The following CASKIN1 variants were observed in gnomAD, a reference collection of about 807,000 sequenced individuals.
CASKIN1 encodes caskin-1.
CASKIN1 carries 42 observed loss-of-function variants against 117.5 expected under a neutral mutation model. The observed-to-expected ratio is 0.36, with a 90% CI of 0.28 to 0.46. The LOEUF is 0.46. CASKIN1 is among the 20% of genes least tolerant of loss of function. The pLI is 1.00. For missense variants in CASKIN1, 2,083 were observed against 2,077.3 expected, an observed-to-expected ratio of 1.00 and a Z score of -0.05; for synonymous variants, 1,148 against 961.7, an observed-to-expected ratio of 1.19 and a Z score of -3.59.
chr16:2,179,551 G>A lies in CASKIN1; in HGVS notation c.3775+42C>T, dbSNP rs2141309515. 1.4e-6 allele frequency: 2 copies of A among 1,416,132 alleles called. No individual in the cohort carries two copies. Among genetic ancestry groups the A allele is most frequent in the East Asian group, 2.6e-5 (1 of 38,048 alleles). The allele number at this position is 1,416,132 out of a possible 1,614,324, so 87.7% of individuals were successfully genotyped here. A position where few individuals can be genotyped will look rare whatever the true frequency, so the allele number is the denominator to read the frequency against. ...TCAGACCACCGAGTAAGGAGGTGGA[G>A]CAGGGTCCTGTTGCCCCTTCACCCC... On this transcript the variant is annotated intron_variant, in intron 18 of 19. Coordinates refer to ENST00000343516, the MANE Select transcript of CASKIN1 (RefSeq NM_020764.4). This position sits in a 1 kb window ranked among gnomAD's most constrained non-coding sequence, Gnocchi z 5.8.
At chr16:2,183,968 G>A (rs1596688670) in intron 14 of CASKIN1, 27 bp from the exon 15 acceptor site, 4 of 1,505,482 alleles carry the variant, frequency 2.7e-6, no homozygotes, top group African/African-American at 2.8e-5. Context: ...ACCCACTGCA[G>A]GCTCGCCTGC....
At chr16:2,186,116 C>T (rs533439029) in intron 10 of CASKIN1, among the ~76,000 whole-genome samples, 5 of 152,240 alleles carry the variant, frequency 3.3e-5, no homozygotes, top group African/African-American at 1.2e-4. Context: ...GGGCCATAGG[C>T]GCACAACACC....
rs767463709 is a variant in CASKIN1, at chr16:2,185,214, G to C, written c.1151-15C>G. On this transcript the variant is annotated splice_polypyrimidine_tract_variant and intron_variant, in intron 11 of 19. Transcript: ENST00000343516. Reference sequence around the variant, plus strand: ...TCGGTCCCCACCTGCCAGCACAAGGGAGCAAGATGAGGCCAGTGCCGGCCC... The same window carrying C: ...TCGGTCCCCACCTGCCAGCACAAGGCAGCAAGATGAGGCCAGTGCCGGCCC... 6.2e-6 allele frequency: 10 copies of C among 1,611,210 alleles called. No homozygotes were observed. Among genetic ancestry groups the C allele is most frequent in the Non-Finnish European group, 8.5e-6 (10 of 1,179,128 alleles).
At chr16:2,187,124 C>A (rs2093187314) in intron 8 of CASKIN1, 42 bp downstream of exon 8, 5 of 1,611,980 alleles carry the variant, frequency 3.1e-6, no homozygotes, top group African/African-American at 2.7e-5. Context: ...TCTGGCCCAG[C>A]CCCAGCCCCA....
At position 2,196,124 on chromosome 16, in the gene CASKIN1, G is replaced by A. The variant is rs1323717333; in HGVS notation, c.94+215C>T. Among the ~76,000 whole-genome samples, 1 of 151,976 alleles carries A rather than the reference G, an allele frequency of 6.6e-6. No individual in the cohort carries two copies. The highest frequency in any genetic ancestry group is 2.4e-5 in the African/African-American group (1 of 41,406). ...CGGGTGCCGCCAGGTGCCCGCTGCG[G>A]GGCTCACGGTGGCGGCCGGCTCTCG... On this transcript the variant is annotated intron_variant, in intron 1 of 19. Coordinates refer to ENST00000343516, the MANE Select transcript of CASKIN1 (RefSeq NM_020764.4). This position sits in a 1 kb window ranked among gnomAD's most constrained non-coding sequence, Gnocchi z 5.7.
At chr16:2,178,708 C>T (rs2093153944) in intron 19 of CASKIN1, 62 bp from the exon 20 acceptor site, 2 of 1,449,214 alleles carry the variant, frequency 1.4e-6, no homozygotes, top group African/African-American at 1.5e-5. Flanking sequence ...CCCACCCCGA[C>T]CAGGACACGC....
Position 2,183,820 on chromosome 16 carries a change from G to T in CASKIN1, c.1527+11C>A. On this transcript the variant is annotated intron_variant, in intron 15 of 19. Coordinates refer to ENST00000343516, the MANE Select transcript of CASKIN1 (RefSeq NM_020764.4). ...GACGCAGCTGGCGCTGGCGGCGCAT[G>T]GAAAGCTCACCTCGGGAGTCATGCG... 1 of 1,612,232 alleles carries T rather than the reference G, an allele frequency of 6.2e-7. No homozygotes were observed.
At chr16:2,189,179 G>A (rs765665488) in intron 5 of CASKIN1, 22 bp from the exon 6 acceptor site, 5 of 1,612,420 alleles carry the variant, frequency 3.1e-6, no homozygotes, top group South Asian at 1.1e-5. Flanking sequence ...GGTCAGGGTA[G>A]GGGGGTCCTG....
In CASKIN1 at chr16:2,178,144, G is replaced by A. The variant is rs1301811193; in HGVS notation, c.*406C>T. 5 of 495,688 alleles carry A rather than the reference G, an allele frequency of 1.0e-5. No individual in the cohort carries two copies. The highest frequency in any genetic ancestry group is 2.5e-5 in the Admixed American group (1 of 39,556). The allele number at this position is 495,688 out of a possible 1,614,324, so 30.7% of individuals were successfully genotyped here. ...TTGATAGCTTATATTCTGGGGGTGC[G>A]GTGGGGCAGGGGGGCCCTGACCTTG... is the stretch of plus-strand genomic sequence containing the variant. On this transcript the variant is annotated 3_prime_UTR_variant, in exon 20 of 20. Coordinates refer to ENST00000343516, the MANE Select transcript of CASKIN1 (RefSeq NM_020764.4).
intron 7 of CASKIN1, 27 bp downstream of exon 7, chr16:2,187,326 C>A (rs1410510280): frequency 6.2e-7 from 1 of 1,613,048 alleles, no homozygotes; most frequent in Non-Finnish European, 8.5e-7. Context: ...GTCCACTGGG[C>A]CCAGCGCCCC....
rs766875630 is a variant in CASKIN1 at position 2,178,648 on chromosome 16, T to TGCGGGGC, written c.4200-9_4200-3dup. 3.3e-5 allele frequency: 52 copies of TGCGGGGC among 1,585,148 alleles called. No individual in the cohort carries two copies. Among genetic ancestry groups the TGCGGGGC allele is most frequent in the African/African-American group, 8.3e-5 (6 of 72,372 alleles). ...GTGCTCTTTTCCGCCGCCGAGTCGCTGCGGGGCGCGGGGCAAGGGGCGTGA... is the reference window on the plus strand; with the variant it reads ...GTGCTCTTTTCCGCCGCCGAGTCGCTGCGGGGCGCGGGGCGCGGGGCAAGGGGCGTGA... On this transcript the variant is annotated splice_region_variant and splice_polypyrimidine_tract_variant and intron_variant, in intron 19 of 19. Transcript: ENST00000343516.
chr16:2,196,362 TG>T lies in CASKIN1; in HGVS notation c.70del (p.Gln24ArgfsTer35). 7.5e-7 allele frequency: 1 copy of T among 1,341,004 alleles called. No homozygotes were observed. The highest frequency in any genetic ancestry group is 9.7e-7 in the Non-Finnish European group (1 of 1,032,696). 83.1% of individuals were successfully genotyped at this position (1,341,004 alleles called of 1,614,324 possible). A position where few individuals can be genotyped will look rare whatever the true frequency, so the allele number is the denominator to read the frequency against. On this transcript the variant is annotated frameshift_variant, in exon 1 of 20. Transcript: ENST00000343516. LOFTEE classifies it high-confidence loss of function. The surrounding 1 kb of genome is among the most constrained non-coding windows in gnomAD (Gnocchi z 5.7). ...EDVGTAQRLL[Q>X]RPRPGKAKLL... ...ACTGGCCTTCCCGGGCCGCGGCCTC[TG>T]CAGCAGCCTCTGCGCGGTCCCTACG... is the stretch of plus-strand genomic sequence containing the variant.
chr16:2,194,628 C>T (rs752743564), intron 1 of CASKIN1, among the ~76,000 whole-genome samples: 3 of 152,186 alleles, frequency 2.0e-5, no homozygotes, highest in African/African-American at 4.8e-5. Flanking sequence ...GCCATGACGA[C>T]GGAGCTAATT....
Position 2,182,038 on chromosome 16 carries a change from CA to C in CASKIN1, c.1630-110del. The stretch of plus-strand genomic sequence containing the variant: ...ACCGGGCCAGCAGGGCACAGACAGA[CA>C]GGAGGACAAACGGATAGGCCGAGGT... On this transcript the variant is annotated intron_variant, in intron 16 of 19. Coordinates refer to ENST00000343516, the MANE Select transcript of CASKIN1 (RefSeq NM_020764.4). This position sits in a 1 kb window ranked among gnomAD's most constrained non-coding sequence, Gnocchi z 4.1. 6.7e-7 allele frequency: 1 copy of C among 1,502,650 alleles called. No individual in the cohort carries two copies. Among genetic ancestry groups the C allele is most frequent in the Non-Finnish European group, 9.1e-7 (1 of 1,100,406 alleles). The allele number at this position is 1,502,650 out of a possible 1,614,324, so 93.1% of individuals were successfully genotyped here.
Position 2,177,589 on chromosome 16 carries a change from G to A in CASKIN1, c.*961C>T, listed in dbSNP as rs533947241. 213 of 236,124 alleles carry A rather than the reference G, an allele frequency of 9.0e-4. 1 individual carries two copies. Among genetic ancestry groups the A allele is most frequent in the South Asian group, 1.2e-3 (7 of 5,964 alleles). The allele number at this position is 236,124 out of a possible 1,614,324, so 14.6% of individuals were successfully genotyped here. ...GGACCATGAGCAGAAGCGTCCGTGG[G>A]AACTCCACTGGGGTGGATGGGCTGC... On this transcript the variant is annotated 3_prime_UTR_variant, in exon 20 of 20. Coordinates refer to ENST00000343516, the MANE Select transcript of CASKIN1 (RefSeq NM_020764.4).
chr16:2,196,329 CG>C lies in CASKIN1; in HGVS notation c.94+9del. On this transcript the variant is annotated intron_variant, in intron 1 of 19. Transcript: ENST00000343516. This position sits in a 1 kb window ranked among gnomAD's most constrained non-coding sequence, Gnocchi z 5.7. ...GGCTCCCACCCGCGCCCCGCGCCCC[CG>C]GCACTCACTGGCCTTCCCGGGCCGC... The C allele has an allele frequency of 1.6e-6, 2 of 1,229,530 alleles. No homozygotes were observed. Among genetic ancestry groups the C allele is most frequent in the Non-Finnish European group, 2.1e-6 (2 of 975,526 alleles). 76.2% of individuals were successfully genotyped at this position (1,229,530 alleles called of 1,614,324 possible).
In CASKIN1 at chr16:2,185,173, CGCT is replaced by C; in HGVS notation, c.1174_1176del (p.Ser392del). 6.2e-7 allele frequency: 1 copy of C among 1,610,290 alleles called. No individual in the cohort carries two copies. Among genetic ancestry groups the C allele is most frequent in the African/African-American group, 1.3e-5 (1 of 75,042 alleles). On this transcript the variant is annotated inframe_deletion, in exon 12 of 20. Coordinates refer to ENST00000343516, the MANE Select transcript of CASKIN1 (RefSeq NM_020764.4). The stretch of plus-strand genomic sequence containing the variant: ...CCGCTGCCCCGGCCGCCAGCCATGC[CGCT>C]AATGCTGCCGCTTCGGTCCCCACCT...
chr16:2,185,174 G>T lies in CASKIN1; in HGVS notation c.1176C>A (p.Ser392Arg). ...FAGGDRSGSISGMAGGRGSGG... is the reference protein window; with the variant it reads ...FAGGDRSGSIRGMAGGRGSGG... ...CGCTGCCCCGGCCGCCAGCCATGCC[G>T]CTAATGCTGCCGCTTCGGTCCCCAC... is the stretch of plus-strand genomic sequence containing the variant. Residue 392 changes from serine to arginine, a missense_variant, in exon 12 of 20, where the codon AGC becomes AGA. Coordinates refer to ENST00000343516, the MANE Select transcript of CASKIN1 (RefSeq NM_020764.4). 3 of 1,610,004 alleles carry T rather than the reference G, an allele frequency of 1.9e-6. No homozygotes were observed. The highest frequency in any genetic ancestry group is 1.3e-5 in the African/African-American group (1 of 75,028).
chr16:2,190,179 T>C lies in CASKIN1; in HGVS notation c.147-9A>G, dbSNP rs752185558. On this transcript the variant is annotated splice_polypyrimidine_tract_variant and intron_variant, in intron 2 of 19. Coordinates refer to ENST00000343516, the MANE Select transcript of CASKIN1 (RefSeq NM_020764.4). ...GGTGCAGAGCCGAGAAGCTGGCACG[T>C]GCAGAGGACACATAGAGCAGAGGCC... is the stretch of plus-strand genomic sequence containing the variant. 7 of 1,612,738 alleles carry C rather than the reference T, an allele frequency of 4.3e-6. No homozygotes were observed. The highest frequency in any genetic ancestry group is 1.1e-5 in the South Asian group (1 of 91,074).
Sources: allele counts gnomAD v4.1 joint callset (sites outside exome capture counted in the v4.1 genomes callset), GRCh38; gene constraint gnomAD v4.1.1; non-coding constraint Gnocchi (gnomAD v3.1); transcripts MANE v1.5; gene names NCBI Gene and HGNC (gene_info 2026-07-23, HGNC 2026-07-21).